Variants in ZDHHC15 observed in about 807,000 individuals in gnomAD.
The protein encoded by ZDHHC15 is palmitoyltransferase ZDHHC15.
A neutral mutation model predicts 31.7 loss-of-function variants in ZDHHC15; 19 were observed. The ratio of observed to expected loss-of-function variants is 0.60; its 90% CI spans 0.42 to 0.88. The LOEUF is 0.88. ZDHHC15 is among the 40% of genes least tolerant of loss of function. ZDHHC15 has a pLI of 0.00. For missense variants in ZDHHC15, 209 were observed against 251.2 expected (o/e 0.83, Z 1.14); for synonymous variants, 103 against 90.0 (o/e 1.14, Z -0.82).
At chrX:75,394,940 C>T (rs192355811) in intron 10 of ZDHHC15, among the ~76,000 whole-genome samples, 86 of 112,094 alleles carry the variant, frequency 7.7e-4, no homozygotes, top group South Asian at 2.2e-3. Flanking sequence ...GCACATGGAT[C>T]ATTCTGAAGA....
chrX:75,451,324 C>A (rs1329707947), intron 3 of ZDHHC15, among the ~76,000 whole-genome samples: 1 of 111,994 alleles, frequency 8.9e-6, no homozygotes, highest in Admixed American at 9.5e-5. Context: ...ATTAACCATG[C>A]TTACCAAGTT....
At chrX:75,519,596 G>A (rs965754246) in intron 1 of ZDHHC15, among the ~76,000 whole-genome samples, 4 of 112,042 alleles carry the variant, frequency 3.6e-5, no homozygotes, top group South Asian at 3.7e-4. Context: ...CTAATGTAAC[G>A]TTAGGGAGAA....
At chrX:75,384,005 G>A (rs2083152677) in intron 10 of ZDHHC15, among the ~76,000 whole-genome samples, 1 of 109,974 alleles carries the variant, frequency 9.1e-6, no homozygotes, top group African/African-American at 3.3e-5. Flanking sequence ...GCCTCCCAAA[G>A]TGTTGGGATT....
At chrX:75,485,542 A>C (rs1232862101) in intron 2 of ZDHHC15, among the ~76,000 whole-genome samples, 2 of 110,869 alleles carry the variant, frequency 1.8e-5, no homozygotes, top group Admixed American at 1.9e-4. Context: ...CCCCACCATC[A>C]GTAACCTGAT....
chrX:75,431,443 T>A lies in ZDHHC15; in HGVS notation c.449+8A>T. The A allele has an allele frequency of 8.3e-7, 1 of 1,203,925 alleles. No individual in the cohort carries two copies. The highest frequency in any genetic ancestry group is 1.1e-6 in the Non-Finnish European group (1 of 891,611). The stretch of plus-strand genomic sequence containing the variant: ...GCCCAGCCCAGGGGAAATATGGCCG[T>A]CACTTACATAGCACAGACAGAGCAG... On this transcript the variant is annotated splice_region_variant and intron_variant, in intron 5 of 11. Coordinates refer to ENST00000373367, the MANE Select transcript of ZDHHC15 (RefSeq NM_144969.3).
intron 10 of ZDHHC15, among the ~76,000 whole-genome samples, chrX:75,399,641 G>C (rs759388114): frequency 2.3e-3 from 254 of 111,569 alleles, no homozygotes; most frequent in South Asian, 0.012. Flanking sequence ...TAAGCACTAA[G>C]ATCACCCCAG....
chrX:75,506,126 T>A (rs1379833698), intron 1 of ZDHHC15, among the ~76,000 whole-genome samples: 1 of 111,855 alleles, frequency 8.9e-6, no homozygotes, highest in Non-Finnish European at 1.9e-5. Context: ...TCAATGTTTC[T>A]TTCTCCATTG....
chrX:75,443,588 C>T (rs1232528112), intron 4 of ZDHHC15, among the ~76,000 whole-genome samples: 2 of 111,909 alleles, frequency 1.8e-5, no homozygotes, highest in African/African-American at 6.5e-5. Flanking sequence ...ACACCAAAAG[C>T]AATGGCACAA....
rs1040653069 is a variant in ZDHHC15, at chrX:75,492,695, A to G, written c.163+13126T>C. Among the ~76,000 whole-genome samples, 4 of 111,758 alleles carry G rather than the reference A, an allele frequency of 3.6e-5. No individual in the cohort carries two copies. In the East Asian group the frequency reaches 1.1e-3, roughly 31 times the overall value. ...CCTGAATGACTACTGGGTACATAAC[A>G]AAATGAAGGCAGAAATAAAGATGTT... On this transcript the variant is annotated intron_variant, in intron 2 of 11. Coordinates refer to ENST00000373367, the MANE Select transcript of ZDHHC15 (RefSeq NM_144969.3).
intron 2 of ZDHHC15, among the ~76,000 whole-genome samples, chrX:75,488,463 C>T (rs1427334520): frequency 8.9e-6 from 1 of 112,161 alleles, no homozygotes; most frequent in Non-Finnish European, 1.9e-5. Flanking sequence ...TTCACAAAAA[C>T]AAATGCTGAG....
At chrX:75,519,984 G>T (rs1001548343) in intron 1 of ZDHHC15, among the ~76,000 whole-genome samples, 1 of 112,082 alleles carries the variant, frequency 8.9e-6, no homozygotes, top group African/African-American at 3.2e-5. Flanking sequence ...TGGCTTGTAT[G>T]TCACAAAGTT....
chrX:75,377,781 A>T (rs761008488), intron 11 of ZDHHC15, among the ~76,000 whole-genome samples: 2 of 111,558 alleles, frequency 1.8e-5, no homozygotes, highest in Non-Finnish European at 3.8e-5. Context: ...CCTTTTGGTG[A>T]GCCACAAAAC....
chrX:75,428,951 T>A (rs1377346526), intron 7 of ZDHHC15, 127 bp downstream of exon 7: 2 of 958,943 alleles, frequency 2.1e-6, no homozygotes, highest in Non-Finnish European at 2.8e-6. Flanking sequence ...TTTTAGTGCC[T>A]TCTCTTCCAG....
chrX:75,522,322 C>T (rs1379211147), intron 1 of ZDHHC15, among the ~76,000 whole-genome samples: 3 of 111,575 alleles, frequency 2.7e-5, no homozygotes, highest in African/African-American at 9.8e-5. Context: ...AGCACTTCAG[C>T]CAGTGTGAGA....
intron 8 of ZDHHC15, 120 bp downstream of exon 8, chrX:75,424,532 G>A (rs1022626335): frequency 2.7e-6 from 2 of 728,791 alleles, no homozygotes; most frequent in African/African-American, 4.5e-5. Flanking sequence ...TCTCAGTCTG[G>A]GGGTAGAGGG....
intron 4 of ZDHHC15, among the ~76,000 whole-genome samples, chrX:75,449,037 G>C (rs947316597): frequency 8.1e-5 from 9 of 110,537 alleles, no homozygotes; most frequent in African/African-American, 3.0e-4. Flanking sequence ...TCTGCCATTA[G>C]ACTGGGGCTT....
intron 10 of ZDHHC15, among the ~76,000 whole-genome samples, chrX:75,383,428 T>A (rs1357064068): frequency 9.0e-6 from 1 of 111,502 alleles, no homozygotes; most frequent in African/African-American, 3.3e-5. Context: ...TTTCTTCATG[T>A]CCTCTTCACT....
In ZDHHC15 at chrX:75,447,186, C is replaced by T. The variant is rs898426408; in HGVS notation, c.379+3616G>A. On this transcript the variant is annotated intron_variant, in intron 4 of 11. Transcript: ENST00000373367. ...GACCAACACTGAGCACCTGATATAG[C>T]ACCATTCTCTGGGGTGATGAGCCAT... 2.7e-5 allele frequency among the ~76,000 whole-genome samples: 3 copies of T among 111,898 alleles called. No homozygotes were observed. In the East Asian group the frequency reaches 8.5e-4, roughly 32 times the overall value.
At chrX:75,513,519 G>C (rs767514424) in intron 1 of ZDHHC15, among the ~76,000 whole-genome samples, 1 of 111,184 alleles carries the variant, frequency 9.0e-6, no homozygotes, top group African/African-American at 3.3e-5. Context: ...TAAAGTGGCT[G>C]CCTACCATCC....
Sources: gnomAD v4.1 joint callset for allele counts (sites outside exome capture counted in the v4.1 genomes callset) on GRCh38, gnomAD v4.1.1 for gene constraint, MANE v1.5 for transcripts, NCBI Gene and HGNC (gene_info 2026-07-23, HGNC 2026-07-21) for gene names.